Variants in ZCCHC24 observed in about 807,000 individuals in gnomAD.
ZCCHC24 encodes zinc finger CCHC-type containing 24.
In ZCCHC24, 10 loss-of-function variants were observed where a neutral mutation model predicts 26.2. The observed-to-expected ratio is 0.38, with a 90% CI of 0.24 to 0.65. The LOEUF is 0.65. Ranked by LOEUF, ZCCHC24 falls within the 30% of genes least tolerant of loss-of-function variation. ZCCHC24 has a pLI of 0.54. For missense variants in ZCCHC24, 243 were observed against 329.1 expected, an observed-to-expected ratio of 0.74 and a Z score of 2.03; for synonymous variants, 144 against 147.1, an observed-to-expected ratio of 0.98 and a Z score of 0.15.
chr10:79,396,244 C>T (rs1364586765), intron 2 of ZCCHC24, among the ~76,000 whole-genome samples: 2 of 152,218 alleles, frequency 1.3e-5, no homozygotes, highest in Non-Finnish European at 2.9e-5. Context: ...TTTATTACCC[C>T]ATTTATTAGA....
At chr10:79,439,811 A>G (rs935433694) in intron 1 of ZCCHC24, among the ~76,000 whole-genome samples, 1 of 150,692 alleles carries the variant, frequency 6.6e-6, no homozygotes, top group Non-Finnish European at 1.5e-5. Flanking sequence ...AAAAAAAAAG[A>G]CATGCTTTAC....
chr10:79,394,171 A>C, intron 3 of ZCCHC24, 105 bp downstream of exon 3: 1 of 1,442,242 alleles, frequency 6.9e-7, no homozygotes, highest in Non-Finnish European at 9.3e-7. Flanking sequence ...AGAAAGGGTC[A>C]ACTTAGAGAG....
Position 79,445,560 on chromosome 10 carries a change from G to A in ZCCHC24, c.-120C>T, listed in dbSNP as rs1376768041. 4.4e-6 allele frequency: 4 copies of A among 902,228 alleles called. No individual in the cohort carries two copies. The highest frequency in any genetic ancestry group is 4.4e-4 in the Middle Eastern group (1 of 2,254). 55.9% of individuals were successfully genotyped at this position (902,228 alleles called of 1,614,324 possible). ...CGCCTCCCGAGCCCCGACGGTGATC[G>A]CCCCGCGCCCTGCGCCCCGCGCGCT... On this transcript the variant is annotated 5_prime_UTR_variant, in exon 1 of 4. Coordinates refer to ENST00000372336, the MANE Select transcript of ZCCHC24 (RefSeq NM_153367.4).
At chr10:79,426,121 G>A (rs1326274992) in intron 2 of ZCCHC24, among the ~76,000 whole-genome samples, 1 of 152,232 alleles carries the variant, frequency 6.6e-6, no homozygotes, top group Admixed American at 6.5e-5. Context: ...AGTCTGATGA[G>A]CTGAGCTCTG....
chr10:79,445,244 G>A lies in ZCCHC24; in HGVS notation c.197C>T (p.Pro66Leu). ...GKGRPEQLGS[P>L]LHSSYLNSFF... The stretch of plus-strand genomic sequence containing the variant: ...GCTGTTGAGATAGCTGGAGTGCAGG[G>A]GCGAGCCCAGCTGCTCGGGGCGGCC... The change falls in exon 1 of 4, where the codon CCC becomes CTC. Residue 66 changes from proline to leucine, a missense_variant. Physicochemically the swap from Pro to Leu is moderately conservative, Grantham distance 98. This residue lies in a region of ZCCHC24 where 147 missense variants were observed against 150.8 expected (regional missense o/e 0.97). Transcript: ENST00000372336. The A allele has an allele frequency of 1.4e-6, 2 of 1,400,446 alleles. No individual in the cohort carries two copies. Among genetic ancestry groups the A allele is most frequent in the Non-Finnish European group, 1.9e-6 (2 of 1,071,736 alleles). The allele number at this position is 1,400,446 out of a possible 1,614,324, so 86.8% of individuals were successfully genotyped here. A position where few individuals can be genotyped will look rare whatever the true frequency, so the allele number is the denominator to read the frequency against.
At chr10:79,405,455 A>G (rs10740503) in intron 2 of ZCCHC24, among the ~76,000 whole-genome samples, 77,148 of 151,778 alleles carry the variant, frequency 0.51, 21,397 homozygotes, top group East Asian at 0.85. Context: ...TGGAGGTCGC[A>G]CAGGTAGGAG....
At chr10:79,420,389 C>T (rs1324731481) in intron 2 of ZCCHC24, among the ~76,000 whole-genome samples, 1 of 152,186 alleles carries the variant, frequency 6.6e-6, no homozygotes, top group South Asian at 2.1e-4. Context: ...AGGGAGGGCT[C>T]CAGCCACCTC....
At chr10:79,437,616 G>A (rs958365927) in intron 1 of ZCCHC24, among the ~76,000 whole-genome samples, 1 of 152,186 alleles carries the variant, frequency 6.6e-6, no homozygotes, top group Non-Finnish European at 1.5e-5. Flanking sequence ...AAAATGCCAG[G>A]TGCGGACCAC....
rs557787871 is a variant in ZCCHC24, at chr10:79,389,934, C to T, written c.613-3476G>A. ...CCTGGCTGACTGTCTTTTTTAGAGA[C>T]AGGGTCACTCTCACATAGGCTGGAG... is the stretch of plus-strand genomic sequence containing the variant. On this transcript the variant is annotated intron_variant, in intron 3 of 3. Coordinates refer to ENST00000372336, the MANE Select transcript of ZCCHC24 (RefSeq NM_153367.4). 7.9e-5 allele frequency among the ~76,000 whole-genome samples: 12 copies of T among 151,784 alleles called. No homozygotes were observed. In the East Asian group the frequency reaches 1.2e-3, roughly 15 times the overall value.
At chr10:79,409,577 G>A (rs1173074955) in intron 2 of ZCCHC24, among the ~76,000 whole-genome samples, 1 of 152,136 alleles carries the variant, frequency 6.6e-6, no homozygotes, top group Non-Finnish European at 1.5e-5. Flanking sequence ...TGACCATTTG[G>A]ACATGACTAT....
At chr10:79,419,675 T>C (rs1458277848) in intron 2 of ZCCHC24, among the ~76,000 whole-genome samples, 1 of 152,186 alleles carries the variant, frequency 6.6e-6, no homozygotes, top group African/African-American at 2.4e-5. Context: ...CCAGTCCCTC[T>C]GAGCTTGGAG....
intron 2 of ZCCHC24, among the ~76,000 whole-genome samples, chr10:79,418,971 G>A (rs958365602): frequency 8.6e-6 from 1 of 116,236 alleles, no homozygotes; most frequent in African/African-American, 5.3e-5. Flanking sequence ...TGCAGACTCG[G>A]GGACAGTGTG....
intron 2 of ZCCHC24, among the ~76,000 whole-genome samples, chr10:79,397,962 C>T (rs772534179): frequency 1.3e-5 from 2 of 152,132 alleles, no homozygotes; most frequent in Non-Finnish European, 2.9e-5. Context: ...GAGTGAGAAC[C>T]GAAGGGAACA....
At chr10:79,429,269 C>T (rs957475215) in intron 2 of ZCCHC24, among the ~76,000 whole-genome samples, 5 of 152,022 alleles carry the variant, frequency 3.3e-5, no homozygotes, top group Non-Finnish European at 7.4e-5. Flanking sequence ...GTTATGGATG[C>T]GAGGGGATGG....
intron 1 of ZCCHC24, among the ~76,000 whole-genome samples, chr10:79,439,890 C>G (rs1459888256): frequency 6.6e-6 from 1 of 152,036 alleles, no homozygotes; most frequent in Non-Finnish European, 1.5e-5. Flanking sequence ...CAGTGGCAGC[C>G]AAGTAAAACC....
chr10:79,386,116 C>T lies in ZCCHC24; in HGVS notation c.*229G>A. On this transcript the variant is annotated 3_prime_UTR_variant, in exon 4 of 4. Coordinates refer to ENST00000372336, the MANE Select transcript of ZCCHC24 (RefSeq NM_153367.4). ...TCCACTGAGACCCCAGGCCCGCCTG[C>T]AAAAAGCCCCAGACTCCCTGCTTTC... The T allele has an allele frequency of 1.7e-6, 1 of 595,682 alleles. No homozygotes were observed. Among genetic ancestry groups the T allele is most frequent in the South Asian group, 2.1e-5 (1 of 47,786 alleles). 36.9% of individuals were successfully genotyped at this position (595,682 alleles called of 1,614,324 possible).
At chr10:79,389,805 G>A (rs566524211) in intron 3 of ZCCHC24, among the ~76,000 whole-genome samples, 3 of 152,048 alleles carry the variant, frequency 2.0e-5, no homozygotes, top group East Asian at 1.9e-4. Context: ...TAGTAGAGAC[G>A]GGGTTTCGCT....
At chr10:79,412,916 A>G (rs900112506) in intron 2 of ZCCHC24, among the ~76,000 whole-genome samples, 3 of 152,204 alleles carry the variant, frequency 2.0e-5, no homozygotes, top group African/African-American at 7.2e-5. Context: ...TCAGTTAACA[A>G]TAGCCACCAT....
At chr10:79,408,286 T>G (rs2279338) in intron 2 of ZCCHC24, among the ~76,000 whole-genome samples, 42,500 of 152,100 alleles carry the variant, frequency 0.28, 6,416 homozygotes, top group Middle Eastern at 0.43. Flanking sequence ...ATTATAGCAC[T>G]CTGGGCCTCA....
Sources: allele counts gnomAD v4.1 joint callset (sites outside exome capture counted in the v4.1 genomes callset), GRCh38; gene constraint gnomAD v4.1.1; regional missense constraint gnomAD v4.1.1; transcripts MANE v1.5; gene names NCBI Gene and HGNC (gene_info 2026-07-23, HGNC 2026-07-21).